Variants in DNM3 observed in about 807,000 individuals in gnomAD.
The protein encoded by DNM3 is dynamin-3.
In DNM3, 47 loss-of-function variants were observed where a neutral mutation model predicts 101.6. That is an observed-to-expected ratio of 0.46 (90% CI 0.37 to 0.59). DNM3 has a LOEUF of 0.59. DNM3 is among the 20% of genes least tolerant of loss of function. The probability of loss-of-function intolerance (pLI) is 0.00; values close to 1 mark genes in which losing one functional copy is unlikely to be tolerated. For synonymous variants in DNM3, 385 were observed against 387.9 expected, an observed-to-expected ratio of 0.99 and a Z score of 0.09; for missense variants, 849 against 1,085.7, an observed-to-expected ratio of 0.78 and a Z score of 3.06.
intron 15 of DNM3, among the ~76,000 whole-genome samples, chr1:172,308,492 G>A (rs2064941270): frequency 6.6e-6 from 1 of 152,054 alleles, no homozygotes; most frequent in Admixed American, 6.6e-5. Flanking sequence ...TTTTAATTTT[G>A]TAGCAGTACA....
intron 14 of DNM3, among the ~76,000 whole-genome samples, chr1:172,185,098 A>G (rs1572868071): frequency 2.0e-5 from 3 of 152,164 alleles, no homozygotes; most frequent in Admixed American, 2.0e-4. Context: ...GGTCCTGAAG[A>G]TAAGTAGGTT....
intron 12 of DNM3, among the ~76,000 whole-genome samples, chr1:172,092,090 T>C (rs961917838): frequency 2.0e-4 from 30 of 151,994 alleles, no homozygotes; most frequent in Admixed American, 2.0e-4. Context: ...GTGGAACAGA[T>C]TTTAGGGGGG....
chr1:172,160,690 A>C (rs1262854132), intron 14 of DNM3, among the ~76,000 whole-genome samples: 1 of 152,120 alleles, frequency 6.6e-6, no homozygotes, highest in Non-Finnish European at 1.5e-5. Flanking sequence ...AACAGGTAGA[A>C]GGAGTACATT....
intron 14 of DNM3, among the ~76,000 whole-genome samples, chr1:172,199,033 A>T (rs2060056670): frequency 6.6e-6 from 1 of 151,794 alleles, no homozygotes; most frequent in Admixed American, 6.6e-5. Flanking sequence ...CAACTTTTTG[A>T]TGTAGGCATT....
At chr1:172,245,213 G>A (rs887419361) in intron 14 of DNM3, among the ~76,000 whole-genome samples, 1 of 152,142 alleles carries the variant, frequency 6.6e-6, no homozygotes, top group Non-Finnish European at 1.5e-5. Flanking sequence ...AGTAACAGGG[G>A]AGCAAGACAC....
intron 16 of DNM3, among the ~76,000 whole-genome samples, chr1:172,320,554 C>T (rs1006484035): frequency 1.3e-5 from 2 of 152,098 alleles, no homozygotes; most frequent in Admixed American, 6.5e-5. Flanking sequence ...ACTGTATGTT[C>T]TTACTCATAA....
intron 14 of DNM3, among the ~76,000 whole-genome samples, chr1:172,169,311 C>T (rs555426081): frequency 6.6e-6 from 1 of 151,922 alleles, no homozygotes. Context: ...GCCACTTGGG[C>T]TCCTAATTAC....
intron 14 of DNM3, among the ~76,000 whole-genome samples, chr1:172,223,769 T>A (rs2061000458): frequency 6.6e-6 from 1 of 152,208 alleles, no homozygotes; most frequent in Non-Finnish European, 1.5e-5. Flanking sequence ...TCTTCCTTGA[T>A]TATTGTAAGA....
intron 2 of DNM3, among the ~76,000 whole-genome samples, chr1:171,983,335 G>A (rs1372227780): frequency 2.0e-5 from 2 of 98,348 alleles, no homozygotes; most frequent in East Asian, 4.0e-4. Context: ...CACACTGCCT[G>A]TAGTCCCAGC....
intron 14 of DNM3, among the ~76,000 whole-genome samples, chr1:172,212,036 T>C (rs1363147526): frequency 6.6e-6 from 1 of 152,106 alleles, no homozygotes; most frequent in Non-Finnish European, 1.5e-5. Flanking sequence ...AGGAATGAAT[T>C]TGTAGCTAAT....
intron 16 of DNM3, among the ~76,000 whole-genome samples, chr1:172,311,501 G>A (rs972342199): frequency 3.3e-5 from 5 of 152,174 alleles, no homozygotes; most frequent in African/African-American, 4.8e-5. Context: ...CCAGCTACAA[G>A]GGATGCCAGG....
intron 1 of DNM3, among the ~76,000 whole-genome samples, chr1:171,919,730 T>C (rs768736002): frequency 6.6e-6 from 1 of 152,224 alleles, no homozygotes; most frequent in South Asian, 2.1e-4. Context: ...TAAAAGTGTA[T>C]TTAGTTATAT....
chr1:172,056,910 C>A (rs1164874663), intron 10 of DNM3, among the ~76,000 whole-genome samples: 1 of 151,980 alleles, frequency 6.6e-6, no homozygotes, highest in Admixed American at 6.6e-5. Flanking sequence ...TACGGGAGGA[C>A]ATTCAAACCA....
chr1:172,316,565 C>G (rs909651227), intron 16 of DNM3, among the ~76,000 whole-genome samples: 1 of 151,474 alleles, frequency 6.6e-6, no homozygotes, highest in Admixed American at 6.6e-5. Flanking sequence ...AAATGGAAAA[C>G]AAAAAAAGGC....
intron 14 of DNM3, among the ~76,000 whole-genome samples, chr1:172,212,199 G>A (rs1373349366): frequency 6.6e-6 from 1 of 152,098 alleles, no homozygotes; most frequent in African/African-American, 2.4e-5. Context: ...AGAAAGAACA[G>A]AAAGGATGTC....
intron 1 of DNM3, among the ~76,000 whole-genome samples, chr1:171,881,245 A>T (rs370407290): frequency 4.4e-3 from 677 of 152,306 alleles, no homozygotes; most frequent in Non-Finnish European, 7.7e-3. Context: ...GATAAAATGG[A>T]ATTAATTCTT....
chr1:171,928,518 G>C (rs61805807), intron 2 of DNM3, among the ~76,000 whole-genome samples: 23,134 of 152,144 alleles, frequency 0.15, 2,334 homozygotes, highest in South Asian at 0.27. Context: ...CCAAGCCAGG[G>C]GTTCCCTGTC....
chr1:172,056,086 G>C (rs2050588340), intron 10 of DNM3, among the ~76,000 whole-genome samples: 1 of 152,192 alleles, frequency 6.6e-6, no homozygotes, highest in South Asian at 2.1e-4. Flanking sequence ...GTGACGGACG[G>C]CACCTGGAAA....
intron 1 of DNM3, among the ~76,000 whole-genome samples, chr1:171,895,532 A>G (rs1271976723): frequency 6.6e-6 from 1 of 151,088 alleles, no homozygotes; most frequent in African/African-American, 2.5e-5. Context: ...TAGATTCTGG[A>G]TATTAGCCCT....
Sources: gnomAD v4.1 joint callset for allele counts (sites outside exome capture counted in the v4.1 genomes callset) on GRCh38, gnomAD v4.1.1 for gene constraint, MANE v1.5 for transcripts, NCBI Gene and HGNC (gene_info 2026-07-23, HGNC 2026-07-21) for gene names.